PTGR3: variants seen among roughly 807,000 people sequenced by gnomAD.
PTGR3 encodes the protein zinc binding alcohol dehydrogenase domain containing 2.
At chr18:75,196,079 C>G in the PTGR3 span, 1 of 152,198 alleles carries the variant, frequency 6.6e-6, no homozygotes, top group Non-Finnish European at 1.5e-5. Flanking sequence ...GTTTCAACAT[C>G]TCCCACCAAC....
chr18:75,204,815 C>G, the PTGR3 span, among the ~76,000 whole-genome samples: 460 of 152,282 alleles, frequency 3.0e-3, 2 homozygotes, highest in African/African-American at 0.011. Context: ...GTCCCAGCGC[C>G]GGCCGCGCAG....
chr18:75,197,881 A>G, the PTGR3 span: 1 of 148,598 alleles, frequency 6.7e-6, no homozygotes, highest in African/African-American at 2.5e-5. Context: ...TTACTGTCCA[A>G]AGTTGATAGT....
At chr18:75,206,366 A>G in the PTGR3 span, among the ~76,000 whole-genome samples, 1 of 152,224 alleles carries the variant, frequency 6.6e-6, no homozygotes, top group African/African-American at 2.4e-5. Context: ...ACCACCAAAC[A>G]TCTTTCCCAA....
chr18:75,199,388 G>T, the PTGR3 span: 1 of 152,400 alleles, frequency 6.6e-6, no homozygotes, highest in Non-Finnish European at 1.5e-5. Flanking sequence ...TTACTGCTTA[G>T]ATTTCACACA....
the PTGR3 span, chr18:75,208,882 G>T: frequency 1.3e-6 from 2 of 1,545,360 alleles, no homozygotes; most frequent in Non-Finnish European, 1.7e-6. Context: ...CGTCCCCGGG[G>T]AGCGGCACCG....
the PTGR3 span, chr18:75,208,745 C>A: frequency 9.0e-7 from 1 of 1,112,530 alleles, no homozygotes; most frequent in Non-Finnish European, 1.1e-6. Context: ...CGAGCGCGCG[C>A]CGGAGTGTGG....
the PTGR3 span, among the ~76,000 whole-genome samples, chr18:75,202,641 T>G: frequency 6.7e-6 from 1 of 149,862 alleles, no homozygotes; most frequent in Non-Finnish European, 1.5e-5. Flanking sequence ...CATTTATTTG[T>G]CTTCTTTCAA....
the PTGR3 span, chr18:75,202,073 G>A: frequency 1.2e-5 from 20 of 1,614,062 alleles, 1 homozygote; most frequent in Middle Eastern, 4.9e-4. Context: ...TGATGTATGC[G>A]GTGGTGCCAC....
chr18:75,208,746 C>G, the PTGR3 span: 1 of 1,104,240 alleles, frequency 9.1e-7, no homozygotes, highest in Non-Finnish European at 1.2e-6. Context: ...GAGCGCGCGC[C>G]GGAGTGTGGG....
chr18:75,206,468 A>G, the PTGR3 span, among the ~76,000 whole-genome samples: 1 of 152,226 alleles, frequency 6.6e-6, no homozygotes, highest in African/African-American at 2.4e-5. Flanking sequence ...AGCAATTAAC[A>G]TTGCTTAGGG....
At chr18:75,205,195 C>T in the PTGR3 span, 2 of 985,550 alleles carry the variant, frequency 2.0e-6, no homozygotes, top group Non-Finnish European at 2.4e-6. Flanking sequence ...GTCCTTACCT[C>T]TGCGTGAGGG....
the PTGR3 span, chr18:75,209,005 G>A: frequency 1.3e-6 from 2 of 1,590,244 alleles, no homozygotes; most frequent in South Asian, 1.1e-5. The surrounding 1 kb of genome is among the most constrained non-coding windows in gnomAD (Gnocchi z 4.7). Context: ...GGAAGTGGCG[G>A]GCGTACGACA....
the PTGR3 span, chr18:75,201,826 C>A: frequency 3.1e-6 from 5 of 1,614,018 alleles, no homozygotes; most frequent in East Asian, 6.7e-5. Flanking sequence ...TAGACCACAT[C>A]GACACCTTCA....
At chr18:75,201,477 A>G in the PTGR3 span, 1 of 1,614,032 alleles carries the variant, frequency 6.2e-7, no homozygotes, top group Admixed American at 1.7e-5. Flanking sequence ...GTTTTTTCCC[A>G]TGTACATATA....
chr18:75,201,648 T>C, the PTGR3 span: 6 of 1,614,234 alleles, frequency 3.7e-6, no homozygotes, highest in East Asian at 1.3e-4. Context: ...GAAGAAGCCC[T>C]GTACGCTGGC....
chr18:75,196,258 A>G, the PTGR3 span: 1 of 152,134 alleles, frequency 6.6e-6, no homozygotes, highest in African/African-American at 2.4e-5. Context: ...TTAATTTCAT[A>G]CCGTTTCAAA....
the PTGR3 span, among the ~76,000 whole-genome samples, chr18:75,204,973 C>T: frequency 3.3e-5 from 5 of 152,234 alleles, no homozygotes; most frequent in African/African-American, 7.2e-5. Flanking sequence ...CCCGCCCCGC[C>T]GTCTTCTAAA....
chr18:75,208,878 C>T, the PTGR3 span: 3 of 1,539,660 alleles, frequency 1.9e-6, no homozygotes, highest in Middle Eastern at 1.8e-4. Context: ...TCTCCGTCCC[C>T]GGGGAGCGGC....
chr18:75,200,943 G>T, the PTGR3 span: 2 of 152,934 alleles, frequency 1.3e-5, no homozygotes, highest in African/African-American at 4.8e-5. Flanking sequence ...ACCATTTCCT[G>T]AGGATATAGA....
Sources: allele counts gnomAD v4.1 joint callset (sites outside exome capture counted in the v4.1 genomes callset), GRCh38; gene constraint gnomAD v4.1.1; non-coding constraint Gnocchi (gnomAD v3.1); transcripts MANE v1.5; gene names NCBI Gene and HGNC (gene_info 2026-07-23, HGNC 2026-07-21).